TRIM55: variants seen among roughly 807,000 people sequenced by gnomAD.
The protein encoded by TRIM55 is tripartite motif containing 55.
Under a neutral mutation model 60.9 loss-of-function variants are expected in TRIM55, and 50 were observed. The observed-to-expected ratio is 0.82, with a 90% CI of 0.65 to 1.04. TRIM55 has a LOEUF of 1.04. TRIM55 is among the 50% of genes least tolerant of loss of function. The pLI is 0.00. For synonymous variants in TRIM55, 237 were observed against 238.1 expected (o/e 1.00, Z 0.04); for missense variants, 681 against 666.9 (o/e 1.02, Z -0.23).
intron 9 of TRIM55, among the ~76,000 whole-genome samples, chr8:66,169,065 G>A (rs1811475678): frequency 6.6e-6 from 1 of 152,124 alleles, no homozygotes; most frequent in Admixed American, 6.5e-5. Flanking sequence ...GAGGCCCTGG[G>A]AAACTTAGAG....
At chr8:66,148,081 A>G (rs576870755) in intron 4 of TRIM55, among the ~76,000 whole-genome samples, 13 of 152,338 alleles carry the variant, frequency 8.5e-5, no homozygotes, top group African/African-American at 2.2e-4. Context: ...CGGGAGAGCT[A>G]GGTTAGATCA....
upstream of TRIM55, among the ~76,000 whole-genome samples, chr8:66,123,453 A>G (rs1808705640): frequency 6.6e-6 from 1 of 152,162 alleles, no homozygotes; most frequent in Admixed American, 6.5e-5. Flanking sequence ...ATTGACATTC[A>G]TCAACTGGGC....
At chr8:66,147,372 A>G (rs1435057296) in intron 4 of TRIM55, among the ~76,000 whole-genome samples, 4 of 152,228 alleles carry the variant, frequency 2.6e-5, no homozygotes, top group African/African-American at 9.6e-5. Flanking sequence ...AAGGAAGGCA[A>G]TGGAGTAAGG....
intron 2 of TRIM55, among the ~76,000 whole-genome samples, chr8:66,132,280 A>G (rs1809205145): frequency 6.6e-6 from 1 of 152,174 alleles, no homozygotes; most frequent in Non-Finnish European, 1.5e-5. Context: ...GTGAAACTCC[A>G]TCTGTACTAA....
chr8:66,115,158 A>G, the TRIM55 span: 3 of 153,050 alleles, frequency 2.0e-5, no homozygotes, highest in South Asian at 2.0e-4. Flanking sequence ...TACAGTATCA[A>G]CCTTTGTGAG....
Position 66,135,173 on chromosome 8 carries a change from T to C in TRIM55, c.507+18T>C, listed in dbSNP as rs1348630831. ...GACAGAAGGTAACAGAGCTGCTCCC[T>C]CCCTCCCGCAACCCCTCCCCATCCC... On this transcript the variant is annotated intron_variant, in intron 3 of 9. Transcript: ENST00000315962. The C allele has an allele frequency of 1.9e-6, 3 of 1,612,544 alleles. No homozygotes were observed. The highest frequency in any genetic ancestry group is 2.5e-6 in the Non-Finnish European group (3 of 1,179,136).
At chr8:66,130,335 T>C (rs1387518513) in intron 2 of TRIM55, among the ~76,000 whole-genome samples, 1 of 152,158 alleles carries the variant, frequency 6.6e-6, no homozygotes, top group African/African-American at 2.4e-5. Flanking sequence ...TGTTATGCTG[T>C]TTTTTCTTGA....
At chr8:66,113,360 A>G in the TRIM55 span, 7 of 376,130 alleles carry the variant, frequency 1.9e-5, no homozygotes, top group African/African-American at 8.4e-5. Context: ...CGACACACGT[A>G]CACGTCCCTT....
intron 2 of TRIM55, among the ~76,000 whole-genome samples, chr8:66,128,880 A>G (rs1808981332): frequency 6.6e-6 from 1 of 152,242 alleles, no homozygotes; most frequent in African/African-American, 2.4e-5. Context: ...TAGAAAATTA[A>G]TAGAAATGGC....
intron 1 of TRIM55, among the ~76,000 whole-genome samples, chr8:66,127,766 C>T (rs1364006724): frequency 2.0e-5 from 3 of 152,146 alleles, no homozygotes; most frequent in Non-Finnish European, 4.4e-5. Context: ...ACCCAGGAGG[C>T]GGACATTGCA....
intron 4 of TRIM55, among the ~76,000 whole-genome samples, chr8:66,145,743 C>T (rs1248016415): frequency 2.6e-5 from 4 of 152,140 alleles, no homozygotes; most frequent in Non-Finnish European, 5.9e-5. Flanking sequence ...ACACTGCAGC[C>T]TCCACCTCCA....
intron 3 of TRIM55, among the ~76,000 whole-genome samples, chr8:66,135,688 T>C (rs1359539566): frequency 6.6e-6 from 1 of 152,190 alleles, no homozygotes; most frequent in Non-Finnish European, 1.5e-5. Flanking sequence ...AGACTTGTGC[T>C]GGCCCTCCTG....
At chr8:66,120,461 G>A in the TRIM55 span, among the ~76,000 whole-genome samples, 1 of 152,198 alleles carries the variant, frequency 6.6e-6, no homozygotes, top group African/African-American at 2.4e-5. Context: ...CATGAGATGA[G>A]AATCTTGGGG....
At chr8:66,152,747 A>G (rs1335889959) in intron 8 of TRIM55, 120 bp downstream of exon 8, 1 of 1,331,238 alleles carries the variant, frequency 7.5e-7, no homozygotes, top group East Asian at 2.4e-5. Flanking sequence ...ACATTCGTAT[A>G]TGGTAGACGA....
chr8:66,159,281 C>T (rs771536145), intron 9 of TRIM55, among the ~76,000 whole-genome samples: 22 of 152,342 alleles, frequency 1.4e-4, no homozygotes, highest in Middle Eastern at 6.8e-3. Context: ...TGAATGAAAA[C>T]ATACAGTATT....
upstream of TRIM55, among the ~76,000 whole-genome samples, chr8:66,122,657 G>A (rs925411519): frequency 4.6e-5 from 7 of 152,038 alleles, no homozygotes; most frequent in African/African-American, 7.3e-5. Context: ...GCCCCTTCTC[G>A]GCCAAGGTCA....
At chr8:66,152,761 A>T in intron 8 of TRIM55, 134 bp downstream of exon 8, 1 of 1,222,028 alleles carries the variant, frequency 8.2e-7, no homozygotes, top group Non-Finnish European at 1.1e-6. Context: ...TAGACGAAAG[A>T]TTTCAGGACA....
chr8:66,155,208 T>C (rs1253244599), intron 9 of TRIM55, among the ~76,000 whole-genome samples: 1 of 152,236 alleles, frequency 6.6e-6, no homozygotes, highest in East Asian at 1.9e-4. Context: ...AAACAACATG[T>C]TCTCAAAAAT....
the TRIM55 span, among the ~76,000 whole-genome samples, chr8:66,120,353 T>C: frequency 6.6e-6 from 1 of 152,140 alleles, no homozygotes; most frequent in Non-Finnish European, 1.5e-5. Flanking sequence ...GTGACAGACA[T>C]GCCTTTGTTA....
Sources: allele counts gnomAD v4.1 joint callset (sites outside exome capture counted in the v4.1 genomes callset), GRCh38; gene constraint gnomAD v4.1.1; transcripts MANE v1.5; gene names NCBI Gene and HGNC (gene_info 2026-07-23, HGNC 2026-07-21).